CORO2B: variants seen among roughly 807,000 people sequenced by gnomAD.
CORO2B encodes the protein coronin-2B.
A neutral mutation model predicts 58.8 loss-of-function variants in CORO2B; 26 were observed. The observed-to-expected ratio is 0.44, with a 90% confidence interval of 0.32 to 0.61. CORO2B has a LOEUF of 0.61. CORO2B is among the 20% of genes least tolerant of loss of function. The pLI, the probability that CORO2B is intolerant of heterozygous loss-of-function variation, is 0.04. For missense variants in CORO2B, 460 were observed against 645.1 expected (o/e 0.71, Z 3.11); for synonymous variants, 242 against 253.8 (o/e 0.95, Z 0.44).
At chr15:68,648,651 A>G (rs1293357455) in intron 2 of CORO2B, among the ~76,000 whole-genome samples, 1 of 152,212 alleles carries the variant, frequency 6.6e-6, no homozygotes, top group Non-Finnish European at 1.5e-5. Flanking sequence ...CTCCGTCTCA[A>G]AAAAAAGAAA....
At chr15:68,713,813 G>T (rs1892971325) in intron 5 of CORO2B, 112 bp from the exon 6 acceptor site, 13 of 690,096 alleles carry the variant, frequency 1.9e-5, no homozygotes, top group South Asian at 1.5e-4. Flanking sequence ...GGAAATAATT[G>T]CAGGGGCCAG....
chr15:68,702,285 G>T (rs770706652), intron 3 of CORO2B, among the ~76,000 whole-genome samples: 16 of 152,150 alleles, frequency 1.1e-4, no homozygotes, highest in Non-Finnish European at 1.9e-4. Flanking sequence ...TGCAAGGACA[G>T]TCTTTAGTAG....
At chr15:68,524,033 C>T in the CORO2B span, among the ~76,000 whole-genome samples, 6 of 152,074 alleles carry the variant, frequency 3.9e-5, no homozygotes, top group African/African-American at 1.2e-4. Flanking sequence ...CAAGACCAGG[C>T]TGGGCAACAT....
At chr15:68,589,487 A>G (rs1899645862) in intron 1 of CORO2B, among the ~76,000 whole-genome samples, 1 of 152,256 alleles carries the variant, frequency 6.6e-6, no homozygotes, top group Non-Finnish European at 1.5e-5. Flanking sequence ...GTGGACTGCT[A>G]CAGCCGGAAG....
intron 1 of CORO2B, among the ~76,000 whole-genome samples, chr15:68,641,274 C>T (rs968746135): frequency 2.6e-5 from 4 of 152,166 alleles, no homozygotes; most frequent in African/African-American, 9.7e-5. Context: ...CGCTGTGGTC[C>T]CCCAGGATGC....
At chr15:68,681,522 G>T (rs991115496) in intron 2 of CORO2B, among the ~76,000 whole-genome samples, 22 of 152,102 alleles carry the variant, frequency 1.4e-4, no homozygotes, top group African/African-American at 5.3e-4. Context: ...CCAAATATTG[G>T]GATTGGGGGA....
chr15:68,560,578 C>A, the CORO2B span, among the ~76,000 whole-genome samples: 1 of 152,310 alleles, frequency 6.6e-6, no homozygotes, highest in East Asian at 1.9e-4. Context: ...GGATGACAGG[C>A]CTGAGCCACC....
rs1893293331 is a variant in CORO2B at position 68,726,116 on chromosome 15, A to G, written c.*142A>G. 1.8e-6 allele frequency: 2 copies of G among 1,096,028 alleles called. No individual in the cohort carries two copies. The highest frequency in any genetic ancestry group is 2.6e-6 in the Non-Finnish European group (2 of 768,622). The allele number at this position is 1,096,028 out of a possible 1,614,324, so 67.9% of individuals were successfully genotyped here. ...AGGACCCCCGCCTACCACCTCGAGA[A>G]CTGGAAGCCAACCTCTAACCTCCTG... is the stretch of plus-strand genomic sequence containing the variant. On this transcript the variant is annotated 3_prime_UTR_variant, in exon 12 of 12. Transcript: ENST00000261861.
intron 1 of CORO2B, among the ~76,000 whole-genome samples, chr15:68,584,650 C>T (rs1899507447): frequency 6.6e-6 from 1 of 152,210 alleles, no homozygotes; most frequent in Admixed American, 6.5e-5. Context: ...TGCCTGGCCA[C>T]AGAGCTTATC....
chr15:68,651,630 G>T (rs1901645513), intron 2 of CORO2B, among the ~76,000 whole-genome samples: 1 of 152,264 alleles, frequency 6.6e-6, no homozygotes, highest in African/African-American at 2.4e-5. Flanking sequence ...CCAGATTTTT[G>T]TCTTGAGCAA....
At chr15:68,705,454 A>AG (rs1892762644) in intron 3 of CORO2B, among the ~76,000 whole-genome samples, 2 of 150,920 alleles carry the variant, frequency 1.3e-5, no homozygotes, top group African/African-American at 4.9e-5. Flanking sequence ...AAAAAAAAAA[A>AG]GAAAGTAAAT....
chr15:68,719,794 A>T (rs1893118777), intron 11 of CORO2B, among the ~76,000 whole-genome samples: 1 of 152,206 alleles, frequency 6.6e-6, no homozygotes, highest in Non-Finnish European at 1.5e-5. Flanking sequence ...ACCCACAGTT[A>T]TGCATCTCCT....
chr15:68,697,009 A>G (rs1489804446), intron 3 of CORO2B, among the ~76,000 whole-genome samples: 1 of 152,228 alleles, frequency 6.6e-6, no homozygotes, highest in East Asian at 1.9e-4. Flanking sequence ...GGGAGCAGAG[A>G]CCACAGCCTA....
the CORO2B span, among the ~76,000 whole-genome samples, chr15:68,561,796 G>A: frequency 0.18 from 27,799 of 152,124 alleles, 2,785 homozygotes; most frequent in Middle Eastern, 0.28. Flanking sequence ...GTTTCCGTGG[G>A]TCTGAGAGTA....
the CORO2B span, among the ~76,000 whole-genome samples, chr15:68,566,110 T>C: frequency 9.5e-3 from 1,441 of 152,174 alleles, 31 homozygotes; most frequent in African/African-American, 0.032. Flanking sequence ...GGAGAAGGGG[T>C]TGGGGAGAAA....
At chr15:68,627,221 A>C (rs1399519202) in intron 1 of CORO2B, among the ~76,000 whole-genome samples, 1 of 152,188 alleles carries the variant, frequency 6.6e-6, no homozygotes, top group East Asian at 1.9e-4. Context: ...CTGTGTATTC[A>C]TTATTGTATG....
chr15:68,627,877 A>G (rs1236057569), intron 1 of CORO2B, among the ~76,000 whole-genome samples: 1 of 151,900 alleles, frequency 6.6e-6, no homozygotes, highest in East Asian at 1.9e-4. Context: ...ATCATAGCTA[A>G]CATAACTTAA....
intron 1 of CORO2B, among the ~76,000 whole-genome samples, chr15:68,598,326 T>C (rs1014495895): frequency 6.6e-6 from 1 of 152,230 alleles, no homozygotes; most frequent in Admixed American, 6.5e-5. Flanking sequence ...CTAGAACTGC[T>C]GTGTGTGTGC....
At chr15:68,528,480 G>A in the CORO2B span, among the ~76,000 whole-genome samples, 1 of 151,960 alleles carries the variant, frequency 6.6e-6, no homozygotes, top group East Asian at 1.9e-4. Context: ...TTGTTTTCCT[G>A]GGATAAGTCC....
Sources: allele counts gnomAD v4.1 joint callset (sites outside exome capture counted in the v4.1 genomes callset), GRCh38; gene constraint gnomAD v4.1.1; transcripts MANE v1.5; gene names NCBI Gene and HGNC (gene_info 2026-07-23, HGNC 2026-07-21).